The following MYO10 variants were observed in gnomAD, a reference collection of about 807,000 sequenced individuals.
MYO10 encodes myosin X.
A neutral mutation model predicts 257.3 loss-of-function variants in MYO10; 133 were observed. The observed-to-expected ratio is 0.52, with a 90% CI of 0.45 to 0.60. MYO10 has a LOEUF of 0.60. Among genes scored for constraint, MYO10 ranks in the 20% least tolerant of loss-of-function variants. MYO10 has a pLI of 0.00. For synonymous variants in MYO10, 1,104 were observed against 1,028.6 expected (o/e 1.07, Z -1.40); for missense variants, 2,399 against 2,635.7 (o/e 0.91, Z 1.97).
At chr5:16,888,855 T>C (rs926559313) in intron 1 of MYO10, among the ~76,000 whole-genome samples, 4 of 150,124 alleles carry the variant, frequency 2.7e-5, no homozygotes, top group East Asian at 1.9e-4. Flanking sequence ...CTCTGTTCCA[T>C]AGGGAATAAT....
chr5:16,784,854 A>G (rs1741526810), intron 4 of MYO10, among the ~76,000 whole-genome samples: 1 of 152,190 alleles, frequency 6.6e-6, no homozygotes, highest in South Asian at 2.1e-4. Flanking sequence ...GGCTGGGTGC[A>G]GGGGTCCCAG....
Position 16,764,319 on chromosome 5 carries a change from G to A in MYO10, c.1257C>T (p.Ser419=). The A allele has an allele frequency of 1.2e-6, 2 of 1,613,934 alleles. No individual in the cohort carries two copies. The highest frequency in any genetic ancestry group is 2.2e-5 in the South Asian group (2 of 91,082). ...CFEWVIKKIN[S]RIKGNEDFKS... Reference sequence around the variant, plus strand: ...TGAAGTCCTCATTGCCTTTGATCCTGCTGTTGATCTTCTTGATTACCCACT... The same window carrying A: ...TGAAGTCCTCATTGCCTTTGATCCTACTGTTGATCTTCTTGATTACCCACT... Residue 419 remains serine, a synonymous_variant, in exon 12 of 41, where the codon AGC becomes AGT. Transcript: ENST00000513610.
At chr5:16,926,905 A>C (rs1013157668) in intron 1 of MYO10, among the ~76,000 whole-genome samples, 2 of 152,182 alleles carry the variant, frequency 1.3e-5, no homozygotes, top group African/African-American at 4.8e-5. Context: ...CATCAACAGA[A>C]CACCCAGACA....
intron 19 of MYO10, among the ~76,000 whole-genome samples, chr5:16,733,960 A>G (rs1328959288): frequency 1.3e-5 from 2 of 152,172 alleles, no homozygotes; most frequent in Admixed American, 6.5e-5. Context: ...TACCAGCAGG[A>G]AAGGGTCCAA....
At chr5:16,779,217 CCA>C (rs1038199968) in intron 9 of MYO10, among the ~76,000 whole-genome samples, 3 of 152,134 alleles carry the variant, frequency 2.0e-5, no homozygotes, top group African/African-American at 7.2e-5. Flanking sequence ...TCTGCTGGTT[CCA>C]GAGTGAAGCC....
rs1476273736 is a variant in MYO10 at position 16,666,056 on chromosome 5, T to C, written c.*636A>G. On this transcript the variant is annotated 3_prime_UTR_variant, in exon 41 of 41. Transcript: ENST00000513610. ...TTTTCCCTTTGCTTTTTAATGCTCA[T>C]GAAACCATGATTAAAGTGTTGAGTT... is the stretch of plus-strand genomic sequence containing the variant. The C allele has an allele frequency of 6.5e-6, 1 of 152,690 alleles. No individual in the cohort carries two copies. The highest frequency in any genetic ancestry group is 1.5e-5 in the Non-Finnish European group (1 of 68,072). The allele number at this position is 152,690 out of a possible 1,614,324, so 9.5% of individuals were successfully genotyped here.
At chr5:16,850,466 T>C (rs573734159) in intron 2 of MYO10, among the ~76,000 whole-genome samples, 15 of 151,990 alleles carry the variant, frequency 9.9e-5, no homozygotes, top group Non-Finnish European at 1.9e-4. Flanking sequence ...TTAGTAGAGA[T>C]GGGGTTTCAC....
intron 31 of MYO10, 71 bp from the exon 32 acceptor site, chr5:16,681,574 A>T: frequency 7.0e-7 from 1 of 1,419,324 alleles, no homozygotes; most frequent in Non-Finnish European, 9.6e-7. Flanking sequence ...AATCATCTGC[A>T]TAATGCTAAC....
intron 2 of MYO10, among the ~76,000 whole-genome samples, chr5:16,821,443 CTTTTTTTTTTTTTTTTTTTTTTTTT>C (rs571931909): frequency 2.0e-4 from 14 of 70,258 alleles, no homozygotes; most frequent in Admixed American, 9.8e-4. Context: ...CTCCTATTTT[CTTTTTTTTTTTTTTTTTTTTTTTTT>C]TTTTTTTTTT....
chr5:16,699,593 C>A lies in MYO10; in HGVS notation c.3433-20G>T, dbSNP rs574707551. 4 of 1,612,764 alleles carry A rather than the reference C, an allele frequency of 2.5e-6. No individual in the cohort carries two copies. The African/African-American group carries it at 5.3e-5, about 22-fold the overall frequency. On this transcript the variant is annotated intron_variant, in intron 25 of 40. Coordinates refer to ENST00000513610, the MANE Select transcript of MYO10 (RefSeq NM_012334.3). The stretch of plus-strand genomic sequence containing the variant: ...TTCAAACTGGACCGAGAGAGAGAAG[C>A]CAACGGTGAGGGAAAAGGCCACAAA...
rs78179858 is a variant in MYO10 at position 16,878,985 on chromosome 5, T to TA, written c.22-1279dup. ...TGTCCCCCCAAAAACTAATGAAATTTAAAAAAAAAAAAGAAAAAAAAAGAA... is the reference window on the plus strand; with the variant it reads ...TGTCCCCCCAAAAACTAATGAAATTTAAAAAAAAAAAAAGAAAAAAAAAGAA... On this transcript the variant is annotated intron_variant, in intron 1 of 40. Transcript: ENST00000513610. Among the ~76,000 whole-genome samples, 460 of 139,452 alleles carry TA rather than the reference T, an allele frequency of 3.3e-3. 4 individuals carry two copies. Among genetic ancestry groups the TA allele is most frequent in the East Asian group, 0.024 (118 of 4,898 alleles). The allele number at this position is 139,452 out of a possible 152,430, so 91.5% of individuals were successfully genotyped here.
chr5:16,877,701 G>C lies in MYO10; in HGVS notation c.28C>G (p.Arg10Gly). The C allele has an allele frequency of 6.2e-7, 1 of 1,612,236 alleles. No individual in the cohort carries two copies. The highest frequency in any genetic ancestry group is 8.5e-7 in the Non-Finnish European group (1 of 1,178,978). Residue 10 changes from arginine to glycine, a missense_variant, in exon 2 of 41, where the codon CGG (arginine) becomes GGG (glycine). By Grantham distance (125) the Arg-to-Gly change is moderately radical (BLOSUM62 -2). Transcript: ENST00000513610. ...TGGCCATTTTCTCTCAGCCAGACCC[G>C]TGTTCCCTGTAAACAAAACAAACAA... The part of the protein sequence containing the change: MDNFFTEGT[R>G]VWLRENGQHF...
intron 1 of MYO10, among the ~76,000 whole-genome samples, chr5:16,928,976 G>A (rs138149084): frequency 0.07 from 10,392 of 148,892 alleles, 418 homozygotes; most frequent in East Asian, 0.15. Flanking sequence ...TTTTTGAGAC[G>A]GAGTCTTGCT....
intron 19 of MYO10, among the ~76,000 whole-genome samples, chr5:16,715,653 G>C (rs1738835911): frequency 1.3e-5 from 2 of 151,666 alleles, no homozygotes; most frequent in African/African-American, 2.4e-5. Context: ...TCTGGTGACG[G>C]CTGCACATAT....
chr5:16,791,557 C>CACATACACAA (rs765692677), intron 4 of MYO10, among the ~76,000 whole-genome samples: 3 of 126,528 alleles, frequency 2.4e-5, no homozygotes, highest in Non-Finnish European at 5.0e-5. Flanking sequence ...CACACACACA[C>CACATACACAA]ACACATACAC....
chr5:16,752,629 A>G (rs573160121), intron 19 of MYO10, among the ~76,000 whole-genome samples: 9 of 152,298 alleles, frequency 5.9e-5, no homozygotes, highest in Admixed American at 3.9e-4. Context: ...TGCACGTTTG[A>G]AAGATTAAAT....
At chr5:16,877,782 C>G (rs1393859719) in intron 1 of MYO10, 75 bp from the exon 2 acceptor site, 3 of 1,090,584 alleles carry the variant, frequency 2.8e-6, no homozygotes, top group Non-Finnish European at 2.7e-6. Context: ...CGAAATTACC[C>G]TAACTCCTAT....
chr5:16,689,915 T>C lies in MYO10; in HGVS notation c.3805A>G (p.Ile1269Val). 1 of 1,612,012 alleles carries C rather than the reference T, an allele frequency of 6.2e-7. No homozygotes were observed. Among genetic ancestry groups the C allele is most frequent in the Non-Finnish European group, 8.5e-7 (1 of 1,178,260 alleles). Residue 1269 changes from isoleucine (I) to valine (V), a missense_variant, in exon 28 of 41, where the codon ATC becomes GTC. Physicochemically the swap from Ile to Val is conservative, Grantham distance 29 (BLOSUM62 3). Coordinates refer to ENST00000513610, the MANE Select transcript of MYO10 (RefSeq NM_012334.3). The stretch of plus-strand genomic sequence containing the variant: ...TTCTCCTTGGTGGTGTTATCTATGA[T>C]CTCTCTGCAAAGAAGCAAAAGCAAC... ...GTVEVRTAKEIIDNTTKENGI... is the reference protein window; with the variant it reads ...GTVEVRTAKEVIDNTTKENGI...
intron 19 of MYO10, among the ~76,000 whole-genome samples, chr5:16,735,444 C>A (rs1185559746): frequency 1.3e-5 from 2 of 152,074 alleles, no homozygotes; most frequent in African/African-American, 4.8e-5. Flanking sequence ...GTGGCTAACA[C>A]CTGTAATTCC....
Sources: allele counts gnomAD v4.1 joint callset (sites outside exome capture counted in the v4.1 genomes callset), GRCh38; gene constraint gnomAD v4.1.1; transcripts MANE v1.5; gene names NCBI Gene and HGNC (gene_info 2026-07-23, HGNC 2026-07-21).